Variants in ADAMTS19 observed in about 807,000 individuals in gnomAD.
ADAMTS19 encodes the protein A disintegrin and metalloproteinase with thrombospondin motifs 19.
ADAMTS19 carries 93 observed loss-of-function variants against 153.3 expected under a neutral mutation model. That is an observed-to-expected ratio of 0.61 (90% CI 0.51 to 0.72). ADAMTS19 has a LOEUF of 0.72. Ranked by LOEUF, ADAMTS19 falls within the 30% of genes least tolerant of loss-of-function variation. The probability of loss-of-function intolerance (pLI) is 0.00; values close to 1 mark genes in which losing one functional copy is unlikely to be tolerated. For synonymous variants in ADAMTS19, 600 were observed against 556.6 expected, an observed-to-expected ratio of 1.08 and a Z score of -1.10; for missense variants, 1,482 against 1,552.1, an observed-to-expected ratio of 0.95 and a Z score of 0.76.
chr5:129,562,706 A>T (rs969227947), intron 7 of ADAMTS19, among the ~76,000 whole-genome samples: 9 of 152,130 alleles, frequency 5.9e-5, no homozygotes, highest in African/African-American at 2.2e-4. Context: ...AAATTGGTAA[A>T]TACTTAAAGC....
intron 3 of ADAMTS19, among the ~76,000 whole-genome samples, chr5:129,522,832 G>A (rs1751871664): frequency 6.6e-6 from 1 of 152,110 alleles, no homozygotes; most frequent in Non-Finnish European, 1.5e-5. Flanking sequence ...AAGGCAGGCA[G>A]ATCATCTGAG....
At chr5:129,658,410 C>T (rs1753685024) in intron 14 of ADAMTS19, among the ~76,000 whole-genome samples, 1 of 151,500 alleles carries the variant, frequency 6.6e-6, no homozygotes, top group African/African-American at 2.4e-5. Context: ...TATCTCTCAT[C>T]ACTATCTTGG....
intron 7 of ADAMTS19, among the ~76,000 whole-genome samples, chr5:129,589,026 T>G (rs1205733634): frequency 6.6e-6 from 1 of 151,940 alleles, no homozygotes; most frequent in Non-Finnish European, 1.5e-5. Context: ...GTACTCATTT[T>G]AAAAAGTACA....
intron 7 of ADAMTS19, among the ~76,000 whole-genome samples, chr5:129,553,525 G>T (rs1374186367): frequency 6.6e-6 from 1 of 152,102 alleles, no homozygotes; most frequent in African/African-American, 2.4e-5. Context: ...GGCTCTGTTT[G>T]TCCTGTTCAT....
intron 7 of ADAMTS19, among the ~76,000 whole-genome samples, chr5:129,594,447 G>A (rs1750280895): frequency 6.6e-6 from 1 of 152,156 alleles, no homozygotes; most frequent in Admixed American, 6.6e-5. Flanking sequence ...ATCAATGGTA[G>A]CAGCATGCTA....
chr5:129,533,308 GGT>G (rs1325444375), intron 6 of ADAMTS19, among the ~76,000 whole-genome samples: 1 of 151,958 alleles, frequency 6.6e-6, no homozygotes, highest in Non-Finnish European at 1.5e-5. Flanking sequence ...GATACATGTG[GGT>G]TTATACATTT....
chr5:129,501,123 A>G (rs1172930578), intron 2 of ADAMTS19, among the ~76,000 whole-genome samples: 3 of 152,190 alleles, frequency 2.0e-5, no homozygotes, highest in Non-Finnish European at 4.4e-5. Context: ...AATTTTTTAA[A>G]CCATATTTTT....
chr5:129,587,783 AGTGCTGG>A (rs1202855164), intron 7 of ADAMTS19, among the ~76,000 whole-genome samples: 1 of 152,106 alleles, frequency 6.6e-6, no homozygotes, highest in African/African-American at 2.4e-5. Context: ...AGTAAAATCC[AGTGCTGG>A]GTGGCACCTC....
intron 7 of ADAMTS19, among the ~76,000 whole-genome samples, chr5:129,571,663 C>A (rs1433552919): frequency 1.3e-5 from 2 of 151,550 alleles, no homozygotes; most frequent in Admixed American, 6.6e-5. Flanking sequence ...TAGATATAGA[C>A]AAGATGATTC....
chr5:129,499,464 A>C (rs937753125), intron 2 of ADAMTS19, among the ~76,000 whole-genome samples: 2 of 152,124 alleles, frequency 1.3e-5, no homozygotes, highest in African/African-American at 4.8e-5. Flanking sequence ...GTGATGTTGT[A>C]TATGATAGAG....
Position 129,461,320 on chromosome 5 carries a change from C to G in ADAMTS19, c.310C>G (p.Arg104Gly), listed in dbSNP as rs879385163. 1.1e-5 allele frequency: 14 copies of G among 1,327,612 alleles called. No homozygotes were observed. Among genetic ancestry groups the G allele is most frequent in the Non-Finnish European group, 1.2e-5 (13 of 1,047,606 alleles). The allele number at this position is 1,327,612 out of a possible 1,614,324, so 82.2% of individuals were successfully genotyped here. A position where few individuals can be genotyped will look rare whatever the true frequency, so the allele number is the denominator to read the frequency against. The change falls in exon 2 of 23, where the codon CGA (arginine) becomes GGA (glycine). Residue 104 changes from arginine (R) to glycine (G), a missense_variant. Coordinates refer to ENST00000274487, the MANE Select transcript of ADAMTS19 (RefSeq NM_133638.6). This position sits in a 1 kb window ranked among gnomAD's most constrained non-coding sequence, Gnocchi z 4.6. ...GCCTTTGGAGGAGCCCGTGGAGGGCCGATCAGAGTCCCGGCTCCGGCCCCC... is the reference window on the plus strand; with the variant it reads ...GCCTTTGGAGGAGCCCGTGGAGGGCGGATCAGAGTCCCGGCTCCGGCCCCC... ...PVPLEEPVEGRSESRLRPPPP... is the reference protein window; with the variant it reads ...PVPLEEPVEGGSESRLRPPPP...
chr5:129,611,128 T>A (rs1402421178), intron 8 of ADAMTS19, among the ~76,000 whole-genome samples: 1 of 152,152 alleles, frequency 6.6e-6, no homozygotes. Context: ...CACTGGTTGA[T>A]GGGGTCGTTT....
intron 18 of ADAMTS19, among the ~76,000 whole-genome samples, chr5:129,686,637 AAAG>A (rs1755103938): frequency 6.6e-6 from 1 of 151,998 alleles, no homozygotes; most frequent in African/African-American, 2.4e-5. Context: ...TCCTTAGGAG[AAAG>A]AAGGTGCCAA....
intron 21 of ADAMTS19, among the ~76,000 whole-genome samples, chr5:129,709,214 C>T (rs1280667850): frequency 1.3e-5 from 2 of 151,956 alleles, no homozygotes; most frequent in African/African-American, 4.8e-5. Flanking sequence ...GGGAATTCTA[C>T]GTATTCTGAG....
chr5:129,722,971 G>A (rs1424009248), intron 21 of ADAMTS19, among the ~76,000 whole-genome samples: 1 of 152,040 alleles, frequency 6.6e-6, no homozygotes, highest in South Asian at 2.1e-4. Flanking sequence ...GATTTTTTGC[G>A]TGTGTTTTTA....
At chr5:129,713,181 T>C (rs1041157663) in intron 21 of ADAMTS19, among the ~76,000 whole-genome samples, 8 of 152,236 alleles carry the variant, frequency 5.3e-5, no homozygotes, top group African/African-American at 1.9e-4. Context: ...TTTGTGATGT[T>C]GAACCTCAAA....
intron 7 of ADAMTS19, among the ~76,000 whole-genome samples, chr5:129,583,707 ATT>A (rs1386154955): frequency 1.3e-5 from 2 of 151,330 alleles, no homozygotes; most frequent in African/African-American, 2.4e-5. Context: ...CAATTCAGCT[ATT>A]GATACTTGTG....
At chr5:129,649,184 A>G (rs1361513578) in intron 13 of ADAMTS19, among the ~76,000 whole-genome samples, 2 of 152,256 alleles carry the variant, frequency 1.3e-5, no homozygotes, top group African/African-American at 2.4e-5. Flanking sequence ...TAGAACAACT[A>G]AAATACAAAG....
chr5:129,578,560 A>C (rs1405285556), intron 7 of ADAMTS19, among the ~76,000 whole-genome samples: 1 of 151,816 alleles, frequency 6.6e-6, no homozygotes, highest in Non-Finnish European at 1.5e-5. Context: ...CCCGTCATCT[A>C]TGTTAGGTAT....
Sources: allele counts gnomAD v4.1 joint callset (sites outside exome capture counted in the v4.1 genomes callset), GRCh38; gene constraint gnomAD v4.1.1; non-coding constraint Gnocchi (gnomAD v3.1); transcripts MANE v1.5; gene names NCBI Gene and HGNC (gene_info 2026-07-23, HGNC 2026-07-21).